TMTC2: variants seen among roughly 807,000 people sequenced by gnomAD.
TMTC2 encodes transmembrane O-mannosyltransferase targeting cadherins 2.
Under a neutral mutation model 82.4 loss-of-function variants are expected in TMTC2, and 43 were observed. The observed-to-expected ratio is 0.52, with a 90% CI of 0.41 to 0.67. The LOEUF is 0.67. TMTC2 is among the 30% of genes least tolerant of loss of function. The probability of loss-of-function intolerance (pLI) is 0.00; values close to 1 mark genes in which losing one functional copy is unlikely to be tolerated. For synonymous variants in TMTC2, 408 were observed against 381.9 expected (o/e 1.07, Z -0.80); for missense variants, 919 against 1,012.4 (o/e 0.91, Z 1.25).
chr12:82,998,189 A>G (rs1879748850), intron 8 of TMTC2, among the ~76,000 whole-genome samples: 1 of 152,152 alleles, frequency 6.6e-6, no homozygotes, highest in African/African-American at 2.4e-5. Context: ...AAACTTACTA[A>G]AAAAGAGTGT....
At chr12:83,014,203 C>G (rs531566413) in intron 8 of TMTC2, among the ~76,000 whole-genome samples, 1 of 152,158 alleles carries the variant, frequency 6.6e-6, no homozygotes. Context: ...GGCTCTGTCA[C>G]CCAGGCTGGA....
intron 1 of TMTC2, among the ~76,000 whole-genome samples, chr12:82,815,516 G>A (rs1868653762): frequency 6.6e-6 from 1 of 151,862 alleles, no homozygotes; most frequent in African/African-American, 2.4e-5. Context: ...GTTTCACCGT[G>A]TTAGCCAGGA....
chr12:82,973,369 G>T (rs145049796), intron 7 of TMTC2, among the ~76,000 whole-genome samples: 1 of 152,048 alleles, frequency 6.6e-6, no homozygotes. Flanking sequence ...GGAGACCAAT[G>T]CCTGGTATAT....
At chr12:82,771,904 T>G (rs1396601279) in intron 1 of TMTC2, among the ~76,000 whole-genome samples, 5 of 152,188 alleles carry the variant, frequency 3.3e-5, no homozygotes, top group African/African-American at 1.2e-4. Flanking sequence ...TGCCATTATA[T>G]GGGTTCTGTC....
At chr12:83,101,012 G>A (rs182331480) in intron 11 of TMTC2, among the ~76,000 whole-genome samples, 3 of 152,218 alleles carry the variant, frequency 2.0e-5, no homozygotes, top group Admixed American at 1.3e-4. Flanking sequence ...TCAGCAGCTA[G>A]CTATAAACAA....
At chr12:82,759,019 C>T (rs1171102577) in intron 1 of TMTC2, 1 of 152,064 alleles carries the variant, frequency 6.6e-6, no homozygotes, top group African/African-American at 2.4e-5. Context: ...GCATCAGTTT[C>T]ATCATTGGTT....
chr12:82,763,729 C>A (rs1240371463), intron 1 of TMTC2, among the ~76,000 whole-genome samples: 1 of 152,034 alleles, frequency 6.6e-6, no homozygotes, highest in Non-Finnish European at 1.5e-5. Context: ...AGATCAATAG[C>A]CACAAAAACA....
intron 8 of TMTC2, among the ~76,000 whole-genome samples, chr12:83,025,106 G>A (rs919753605): frequency 2.6e-5 from 4 of 152,028 alleles, no homozygotes; most frequent in Non-Finnish European, 2.9e-5. Flanking sequence ...GCATGAGAAT[G>A]GCTCGAACCC....
intron 4 of TMTC2, among the ~76,000 whole-genome samples, chr12:82,955,992 C>G (rs1428447688): frequency 6.6e-6 from 1 of 151,996 alleles, no homozygotes; most frequent in East Asian, 1.9e-4. Context: ...GGCCAGTTTT[C>G]TTAATTTTCA....
intron 1 of TMTC2, among the ~76,000 whole-genome samples, chr12:82,744,764 C>G (rs778775248): frequency 6.6e-6 from 1 of 152,150 alleles, no homozygotes; most frequent in Non-Finnish European, 1.5e-5. Flanking sequence ...AAAGTTGCCT[C>G]TGGCAGGGGC....
At chr12:82,858,582 T>C (rs1327670525) in intron 2 of TMTC2, among the ~76,000 whole-genome samples, 1 of 152,210 alleles carries the variant, frequency 6.6e-6, no homozygotes, top group African/African-American at 2.4e-5. Flanking sequence ...TATTTAAAAT[T>C]GAGAAGAAAT....
At position 82,722,963 on chromosome 12, in the gene TMTC2, A is replaced by G. The variant is rs75923060; in HGVS notation, c.83+35294A>G. Among the ~76,000 whole-genome samples the G allele has an allele frequency of 5.3e-5, 8 of 152,292 alleles. No individual in the cohort carries two copies. In the East Asian group the frequency reaches 1.5e-3, roughly 29 times the overall value. ...AACCTTTCTGCCTCAAGTTATTGTC[A>G]TTGGGATTTAACATGTTCCATTCAA... On this transcript the variant is annotated intron_variant, in intron 1 of 11. Transcript: ENST00000321196.
At chr12:82,981,315 T>C (rs768098200) in intron 7 of TMTC2, among the ~76,000 whole-genome samples, 1 of 151,902 alleles carries the variant, frequency 6.6e-6, no homozygotes, top group Non-Finnish European at 1.5e-5. Context: ...GTCAGTGAGA[T>C]GTAGACTATT....
intron 11 of TMTC2, among the ~76,000 whole-genome samples, chr12:83,130,526 T>C (rs1447452041): frequency 6.6e-6 from 1 of 152,200 alleles, no homozygotes; most frequent in Non-Finnish European, 1.5e-5. Context: ...GCAGCATTAT[T>C]TTTGTAAAAG....
chr12:82,876,177 C>T (rs1024108980), intron 2 of TMTC2, among the ~76,000 whole-genome samples: 2 of 120,110 alleles, frequency 1.7e-5, no homozygotes, highest in South Asian at 2.3e-4. Context: ...TGTTGTTGAT[C>T]GGGTGGTAGT....
At chr12:83,060,718 TAGA>T (rs1470039565) in intron 10 of TMTC2, among the ~76,000 whole-genome samples, 3 of 151,916 alleles carry the variant, frequency 2.0e-5, no homozygotes, top group African/African-American at 7.2e-5. Context: ...CCTGCCATCT[TAGA>T]AGGTCTTCTG....
chr12:82,967,410 A>G (rs575409578), intron 7 of TMTC2, among the ~76,000 whole-genome samples: 2 of 152,136 alleles, frequency 1.3e-5, no homozygotes, highest in Admixed American at 1.3e-4. Flanking sequence ...TAATATTAAT[A>G]ATAAAAACAA....
At chr12:83,030,733 G>C in intron 8 of TMTC2, 65 bp from the exon 9 acceptor site, 1 of 1,281,082 alleles carries the variant, frequency 7.8e-7, no homozygotes, top group Non-Finnish European at 1.1e-6. Flanking sequence ...ACTTCAGTTA[G>C]GCCCAGGCAG....
At chr12:82,865,623 T>A (rs1330764941) in intron 2 of TMTC2, among the ~76,000 whole-genome samples, 2 of 151,944 alleles carry the variant, frequency 1.3e-5, no homozygotes, top group African/African-American at 2.4e-5. Flanking sequence ...ATTAACAAGG[T>A]TATCCAGGAA....
Sources: allele counts gnomAD v4.1 joint callset (sites outside exome capture counted in the v4.1 genomes callset), GRCh38; gene constraint gnomAD v4.1.1; transcripts MANE v1.5; gene names NCBI Gene and HGNC (gene_info 2026-07-23, HGNC 2026-07-21).